Variants in TMEM74 observed in about 807,000 individuals in gnomAD.
TMEM74 encodes transmembrane protein 74.
A neutral mutation model predicts 18.1 loss-of-function variants in TMEM74; 13 were observed. The observed-to-expected ratio is 0.72, with a 90% CI of 0.47 to 1.14. The LOEUF (loss-of-function observed/expected upper bound fraction) is 1.14, where lower values mean the gene tolerates loss of function less well. TMEM74 is among the 50% of genes most tolerant of loss of function. TMEM74 has a pLI of 0.00. For missense variants in TMEM74, 372 were observed against 375.9 expected (o/e 0.99, Z 0.09); for synonymous variants, 159 against 146.6 (o/e 1.08, Z -0.61).
intron 1 of TMEM74, among the ~76,000 whole-genome samples, chr8:108,739,484 C>T (rs1292274235): frequency 1.3e-5 from 2 of 151,948 alleles, no homozygotes; most frequent in African/African-American, 2.4e-5. Flanking sequence ...GTTACTTTAT[C>T]GTTACTCTCA....
At chr8:108,692,816 T>C (rs1475975659) in intron 1 of TMEM74, among the ~76,000 whole-genome samples, 2 of 152,216 alleles carry the variant, frequency 1.3e-5, no homozygotes, top group African/African-American at 4.8e-5. Context: ...TTTATACTTA[T>C]TTGCATGATA....
intron 1 of TMEM74, among the ~76,000 whole-genome samples, chr8:108,757,427 A>G (rs1311236558): frequency 6.6e-6 from 1 of 152,064 alleles, no homozygotes; most frequent in Non-Finnish European, 1.5e-5. Context: ...CTCCACACAG[A>G]CTGTTCTTAA....
intron 1 of TMEM74, among the ~76,000 whole-genome samples, chr8:108,762,986 A>G (rs537553810): frequency 1.2e-3 from 182 of 152,324 alleles, no homozygotes; most frequent in African/African-American, 4.0e-3. Context: ...AGAATTTAGC[A>G]ATCAATAAAA....
At chr8:108,695,505 GT>G (rs1161434030) in intron 1 of TMEM74, among the ~76,000 whole-genome samples, 2 of 152,164 alleles carry the variant, frequency 1.3e-5, no homozygotes, top group Non-Finnish European at 2.9e-5. Context: ...CTATGTCATA[GT>G]TACAATTTTT....
intron 1 of TMEM74, among the ~76,000 whole-genome samples, chr8:108,729,633 A>T (rs1813674983): frequency 6.6e-6 from 1 of 152,238 alleles, no homozygotes; most frequent in African/African-American, 2.4e-5. Flanking sequence ...AATATTATAG[A>T]TATTTCCCTA....
chr8:108,751,461 A>G (rs2130653125), intron 1 of TMEM74, among the ~76,000 whole-genome samples: 1 of 152,194 alleles, frequency 6.6e-6, no homozygotes, highest in Non-Finnish European at 1.5e-5. Flanking sequence ...AAATAATGTC[A>G]AGATTATATA....
chr8:108,734,145 G>A (rs1415637669), intron 1 of TMEM74, among the ~76,000 whole-genome samples: 2 of 152,094 alleles, frequency 1.3e-5, no homozygotes, highest in African/African-American at 4.8e-5. Flanking sequence ...CAGTTAGCAG[G>A]AGGCCTGAAT....
At chr8:108,777,285 T>G (rs949875668), downstream of TMEM74, among the ~76,000 whole-genome samples, 3 of 152,292 alleles carry the variant, frequency 2.0e-5, no homozygotes, top group Non-Finnish European at 4.4e-5. Context: ...TGGCACATAG[T>G]AAGCACTCAA....
At chr8:108,743,476 A>G (rs1047876126) in intron 1 of TMEM74, among the ~76,000 whole-genome samples, 3 of 152,230 alleles carry the variant, frequency 2.0e-5, no homozygotes, top group Non-Finnish European at 4.4e-5. Flanking sequence ...ATTAGAAAAA[A>G]ATAGCATCAC....
intron 2 of TMEM74, among the ~76,000 whole-genome samples, chr8:108,639,106 C>T (rs149500665): frequency 5.5e-4 from 84 of 152,200 alleles, no homozygotes; most frequent in Non-Finnish European, 8.4e-4. Flanking sequence ...TCTGGGTAAT[C>T]GCAGAAGCCT....
intron 1 of TMEM74, among the ~76,000 whole-genome samples, chr8:108,691,317 C>G (rs544022554): frequency 4.6e-5 from 7 of 152,138 alleles, no homozygotes; most frequent in Non-Finnish European, 8.8e-5. Context: ...GCACCTAAAC[C>G]GGGAGCTTGT....
At chr8:108,742,331 T>C (rs1201244196) in intron 1 of TMEM74, among the ~76,000 whole-genome samples, 1 of 152,148 alleles carries the variant, frequency 6.6e-6, no homozygotes, top group African/African-American at 2.4e-5. Context: ...CATAAATAAT[T>C]TTGTGCCTTA....
At chr8:108,712,544 G>A (rs1430056930) in intron 1 of TMEM74, among the ~76,000 whole-genome samples, 2 of 152,060 alleles carry the variant, frequency 1.3e-5, no homozygotes, top group Non-Finnish European at 2.9e-5. Context: ...CATACTGCTC[G>A]AGCTCTGAGT....
At chr8:108,657,986 C>A (rs907063728) in intron 1 of TMEM74, among the ~76,000 whole-genome samples, 1 of 142,754 alleles carries the variant, frequency 7.0e-6, no homozygotes, top group Non-Finnish European at 1.5e-5. Flanking sequence ...TTTGAAGGAA[C>A]AAGAGTCTGG....
chr8:108,728,166 T>A (rs1813659933), intron 1 of TMEM74, among the ~76,000 whole-genome samples: 1 of 152,164 alleles, frequency 6.6e-6, no homozygotes, highest in Admixed American at 6.5e-5. Flanking sequence ...GGGGCTTTTT[T>A]AAAAAGTGGG....
intron 2 of TMEM74, among the ~76,000 whole-genome samples, chr8:108,636,078 G>T (rs940133434): frequency 6.6e-6 from 1 of 152,022 alleles, no homozygotes; most frequent in Non-Finnish European, 1.5e-5. Context: ...TTCTCAATCA[G>T]GAAAAGTAGC....
chr8:108,777,412 C>T (rs1264636242), downstream of TMEM74, among the ~76,000 whole-genome samples: 1 of 152,084 alleles, frequency 6.6e-6, no homozygotes, highest in Non-Finnish European at 1.5e-5. Flanking sequence ...GGAAAAGTGT[C>T]AGCATAAGCT....
intron 1 of TMEM74, among the ~76,000 whole-genome samples, chr8:108,671,761 T>C (rs1355159784): frequency 6.6e-6 from 1 of 151,890 alleles, no homozygotes; most frequent in African/African-American, 2.4e-5. Context: ...TAAAACAAAC[T>C]ATGATTGAAA....
At chr8:108,673,170 C>T (rs1813020506) in intron 1 of TMEM74, among the ~76,000 whole-genome samples, 1 of 152,284 alleles carries the variant, frequency 6.6e-6, no homozygotes, top group South Asian at 2.1e-4. Context: ...ATAGATATAG[C>T]ACTTGCTGAA....
Sources: gnomAD v4.1 joint callset for allele counts (sites outside exome capture counted in the v4.1 genomes callset) on GRCh38, gnomAD v4.1.1 for gene constraint, MANE v1.5 for transcripts, NCBI Gene and HGNC (gene_info 2026-07-23, HGNC 2026-07-21) for gene names.